Variants in ZNF609 observed in about 807,000 individuals in gnomAD.
The protein encoded by ZNF609 is zinc finger protein 609.
In ZNF609, 11 loss-of-function variants were observed where a neutral mutation model predicts 109.5. The observed-to-expected ratio is 0.10, with a 90% CI of 0.06 to 0.17. The LOEUF (loss-of-function observed/expected upper bound fraction) is 0.17. ZNF609 is among the 10% of genes least tolerant of loss of function. The pLI, the probability that ZNF609 is intolerant of heterozygous loss-of-function variation, is 1.00. For synonymous variants in ZNF609, 646 were observed against 662.0 expected (o/e 0.98, Z 0.37); for missense variants, 1,559 against 1,772.4 (o/e 0.88, Z 2.16).
intron 2 of ZNF609, among the ~76,000 whole-genome samples, chr15:64,524,243 A>G (rs1893936772): frequency 6.6e-6 from 1 of 152,136 alleles, no homozygotes; most frequent in African/African-American, 2.4e-5. Context: ...CTGTCTCTCT[A>G]GAAATTTCAT....
intron 3 of ZNF609, among the ~76,000 whole-genome samples, chr15:64,649,768 CAA>C (rs1896387682): frequency 6.6e-6 from 1 of 152,084 alleles, no homozygotes; most frequent in Non-Finnish European, 1.5e-5. Flanking sequence ...GCACAACATT[CAA>C]AAGAGATTAA....
chr15:64,562,938 A>G (rs1168536745), intron 2 of ZNF609, among the ~76,000 whole-genome samples: 3 of 151,428 alleles, frequency 2.0e-5, no homozygotes, highest in Non-Finnish European at 2.9e-5. Flanking sequence ...CACATATGTC[A>G]ACTAAGAGGT....
At chr15:64,517,463 G>A (rs1595705314) in intron 2 of ZNF609, among the ~76,000 whole-genome samples, 2 of 152,292 alleles carry the variant, frequency 1.3e-5, no homozygotes, top group Non-Finnish European at 1.5e-5. Flanking sequence ...TGGACTTACA[G>A]GTTGGAGGGC....
chr15:64,539,440 C>T (rs568559524), intron 2 of ZNF609, among the ~76,000 whole-genome samples: 5 of 151,954 alleles, frequency 3.3e-5, no homozygotes, highest in East Asian at 1.9e-4. Context: ...ATCTCCTGAC[C>T]GCGTGATCCA....
chr15:64,529,601 TA>T, intron 2 of ZNF609: 1 of 1,317,320 alleles, frequency 7.6e-7, no homozygotes, highest in East Asian at 2.3e-5. Flanking sequence ...TTACCAGAGT[TA>T]AAAGCAGTCA....
chr15:64,642,563 G>T (rs899368042), intron 3 of ZNF609, among the ~76,000 whole-genome samples: 1 of 152,186 alleles, frequency 6.6e-6, no homozygotes, highest in African/African-American at 2.4e-5. Flanking sequence ...GGAGGCCAAG[G>T]TGGGAGGATT....
intron 3 of ZNF609, among the ~76,000 whole-genome samples, chr15:64,648,367 C>T (rs899164802): frequency 1.3e-5 from 2 of 152,088 alleles, no homozygotes; most frequent in African/African-American, 4.8e-5. Flanking sequence ...TGTCATACAC[C>T]TGTAGTCCCA....
chr15:64,669,006 T>C (rs1307342197), intron 3 of ZNF609, among the ~76,000 whole-genome samples: 2 of 120,446 alleles, frequency 1.7e-5, no homozygotes, highest in Non-Finnish European at 3.7e-5. Context: ...AAAAACCCTA[T>C]ATAAAACATA....
chr15:64,521,340 G>A (rs1261408790), intron 2 of ZNF609, among the ~76,000 whole-genome samples: 1 of 152,234 alleles, frequency 6.6e-6, no homozygotes, highest in African/African-American at 2.4e-5. Context: ...GAAATTTGTG[G>A]AAGCCTCTGT....
At chr15:64,513,223 C>G (rs1354179062) in intron 2 of ZNF609, among the ~76,000 whole-genome samples, 1 of 152,036 alleles carries the variant, frequency 6.6e-6, no homozygotes, top group African/African-American at 2.4e-5. Flanking sequence ...GGGAAAAACT[C>G]ATCATACAAA....
At chr15:64,585,890 G>C (rs942258188) in intron 2 of ZNF609, among the ~76,000 whole-genome samples, 2 of 152,108 alleles carry the variant, frequency 1.3e-5, no homozygotes, top group African/African-American at 4.8e-5. Flanking sequence ...CTGTCGTTCA[G>C]ACTGGAGTGC....
chr15:64,606,165 G>C, intron 2 of ZNF609, among the ~76,000 whole-genome samples: 1 of 151,666 alleles, frequency 6.6e-6, no homozygotes, highest in South Asian at 2.1e-4. Context: ...CCAGGCTGGA[G>C]TGCAGTGGCA....
At chr15:64,604,148 C>T (rs1196363699) in intron 2 of ZNF609, among the ~76,000 whole-genome samples, 4 of 152,088 alleles carry the variant, frequency 2.6e-5, no homozygotes, top group Admixed American at 2.0e-4. Context: ...TTTACCTCAC[C>T]CAACCTTGGG....
At chr15:64,640,231 A>G (rs907193185) in intron 3 of ZNF609, among the ~76,000 whole-genome samples, 2 of 151,852 alleles carry the variant, frequency 1.3e-5, no homozygotes, top group Non-Finnish European at 2.9e-5. Context: ...TAGAGCTGAA[A>G]TCTCACTTTG....
intron 3 of ZNF609, among the ~76,000 whole-genome samples, chr15:64,628,347 G>A (rs964886741): frequency 2.0e-5 from 3 of 151,814 alleles, no homozygotes; most frequent in Non-Finnish European, 4.4e-5. Context: ...AACACTGGTT[G>A]ACTATGGCAA....
At chr15:64,604,163 G>A (rs1895556836) in intron 2 of ZNF609, among the ~76,000 whole-genome samples, 2 of 152,036 alleles carry the variant, frequency 1.3e-5, no homozygotes, top group Admixed American at 1.3e-4. Flanking sequence ...CTTGGGACAG[G>A]GATCATATTA....
At chr15:64,510,083 T>G (rs944850455) in intron 2 of ZNF609, among the ~76,000 whole-genome samples, 1 of 152,184 alleles carries the variant, frequency 6.6e-6, no homozygotes, top group African/African-American at 2.4e-5. Flanking sequence ...TCTCATCCCA[T>G]AGGCATTTTA....
intron 2 of ZNF609, among the ~76,000 whole-genome samples, chr15:64,575,774 C>T (rs1012273507): frequency 6.6e-6 from 1 of 152,146 alleles, no homozygotes; most frequent in Non-Finnish European, 1.5e-5. Flanking sequence ...TCTAACCAAG[C>T]AAGCTGGTTT....
chr15:64,609,681 A>T (rs548140954), intron 2 of ZNF609, among the ~76,000 whole-genome samples: 10 of 142,334 alleles, frequency 7.0e-5, no homozygotes, highest in Non-Finnish European at 1.1e-4. Flanking sequence ...TAAGGTTCTC[A>T]TTTTTTTTTT....
Sources: allele counts gnomAD v4.1 joint callset (sites outside exome capture counted in the v4.1 genomes callset), GRCh38; gene constraint gnomAD v4.1.1; transcripts MANE v1.5; gene names NCBI Gene and HGNC (gene_info 2026-07-23, HGNC 2026-07-21).